The following NMNAT2 variants were observed in gnomAD, a reference collection of about 807,000 sequenced individuals.
NMNAT2 encodes nicotinamide/nicotinic acid mononucleotide adenylyltransferase 2.
NMNAT2 carries 11 observed loss-of-function variants against 41.6 expected under a neutral mutation model. The observed-to-expected ratio is 0.26, with a 90% CI of 0.17 to 0.44. The LOEUF (loss-of-function observed/expected upper bound fraction) is 0.44. Ranked by LOEUF, NMNAT2 falls within the 20% of genes least tolerant of loss-of-function variation. The probability of loss-of-function intolerance (pLI) is 1.00; values close to 1 mark genes in which losing one functional copy is unlikely to be tolerated. For synonymous variants in NMNAT2, 148 were observed against 151.2 expected (o/e 0.98, Z 0.16); for missense variants, 288 against 407.7 (o/e 0.71, Z 2.53).
At chr1:183,397,554 T>C (rs558366620) in intron 1 of NMNAT2, among the ~76,000 whole-genome samples, 1 of 151,966 alleles carries the variant, frequency 6.6e-6, no homozygotes, top group East Asian at 1.9e-4. Flanking sequence ...ATTCAGGAAA[T>C]ACAAAGAACG....
chr1:183,356,042 A>G (rs1454532048), intron 1 of NMNAT2, among the ~76,000 whole-genome samples: 1 of 152,198 alleles, frequency 6.6e-6, no homozygotes, highest in Non-Finnish European at 1.5e-5. Context: ...CACTCAGCAC[A>G]TGGAAGTGGT....
intron 1 of NMNAT2, among the ~76,000 whole-genome samples, chr1:183,372,441 C>T (rs1663570370): frequency 1.3e-5 from 2 of 152,206 alleles, no homozygotes; most frequent in African/African-American, 4.8e-5. Context: ...AAGCAAGACA[C>T]CAAGACAGAG....
At chr1:183,313,276 C>T (rs1310084477) in intron 1 of NMNAT2, among the ~76,000 whole-genome samples, 1 of 152,106 alleles carries the variant, frequency 6.6e-6, no homozygotes. Context: ...GATCACACAT[C>T]TCTGAACAAT....
At chr1:183,299,471 A>T (rs192047506) in intron 1 of NMNAT2, among the ~76,000 whole-genome samples, 30 of 152,356 alleles carry the variant, frequency 2.0e-4, no homozygotes, top group African/African-American at 6.3e-4. Context: ...AAGAAAAGGC[A>T]ATCTCAAAAG....
chr1:183,334,880 A>G (rs1003904724), intron 1 of NMNAT2, among the ~76,000 whole-genome samples: 9 of 152,160 alleles, frequency 5.9e-5, no homozygotes, highest in Non-Finnish European at 1.3e-4. Flanking sequence ...GGGAGACTCC[A>G]CGGTGCCCTA....
chr1:183,410,840 C>T (rs901717408), intron 1 of NMNAT2, among the ~76,000 whole-genome samples: 4 of 151,802 alleles, frequency 2.6e-5, no homozygotes, highest in Non-Finnish European at 5.9e-5. Flanking sequence ...ATCTCAGCCT[C>T]CCAAGTAGCT....
At chr1:183,305,019 C>A in intron 1 of NMNAT2, 1 of 437,234 alleles carries the variant, frequency 2.3e-6, no homozygotes, top group Non-Finnish European at 3.6e-6. Context: ...AAATCCTTTC[C>A]ACTGGAAAAA....
At chr1:183,413,602 C>CTTTTTTTTT (rs71130613) in intron 1 of NMNAT2, among the ~76,000 whole-genome samples, 31 of 82,466 alleles carry the variant, frequency 3.8e-4, no homozygotes, top group African/African-American at 4.7e-4. Flanking sequence ...TCTTTTCTTT[C>CTTTTTTTTT]TTTTTTTTTT....
chr1:183,270,878 T>C (rs1375076598), intron 8 of NMNAT2, among the ~76,000 whole-genome samples: 1 of 152,204 alleles, frequency 6.6e-6, no homozygotes, highest in Non-Finnish European at 1.5e-5. Flanking sequence ...AAGTTTGTCT[T>C]TGTTCCATTT....
At chr1:183,350,400 G>T (rs542045650) in intron 1 of NMNAT2, among the ~76,000 whole-genome samples, 2 of 152,122 alleles carry the variant, frequency 1.3e-5, no homozygotes, top group Non-Finnish European at 2.9e-5. Context: ...GATAAAGGGA[G>T]AAGGAAAAAG....
At chr1:183,372,738 C>T (rs1364631187) in intron 1 of NMNAT2, among the ~76,000 whole-genome samples, 5 of 152,276 alleles carry the variant, frequency 3.3e-5, no homozygotes, top group South Asian at 4.1e-4. Context: ...AATCCAAAGG[C>T]GTGATCCTGG....
At chr1:183,269,468 A>T (rs1660924795) in intron 8 of NMNAT2, among the ~76,000 whole-genome samples, 1 of 152,238 alleles carries the variant, frequency 6.6e-6, no homozygotes, top group Non-Finnish European at 1.5e-5. Context: ...CCATCCTGAG[A>T]TCAGCGTTCT....
intron 8 of NMNAT2, among the ~76,000 whole-genome samples, chr1:183,268,640 T>C (rs910153538): frequency 6.6e-6 from 1 of 152,230 alleles, no homozygotes; most frequent in African/African-American, 2.4e-5. Flanking sequence ...ATGTATATGG[T>C]GAACTGGGCA....
intron 1 of NMNAT2, among the ~76,000 whole-genome samples, chr1:183,372,814 A>G (rs1302766631): frequency 6.6e-6 from 1 of 152,252 alleles, no homozygotes; most frequent in Non-Finnish European, 1.5e-5. Context: ...ACTCTATGAC[A>G]TAAAAAAGAA....
intron 10 of NMNAT2, among the ~76,000 whole-genome samples, chr1:183,257,946 T>C (rs1401757150): frequency 1.3e-5 from 2 of 152,208 alleles, no homozygotes; most frequent in Non-Finnish European, 2.9e-5. Flanking sequence ...GGCAATTTAT[T>C]TGGGGTCTTT....
intron 3 of NMNAT2, chr1:183,290,852 G>A (rs1661521943): frequency 6.6e-6 from 1 of 152,234 alleles, no homozygotes; most frequent in Non-Finnish European, 1.5e-5. Context: ...GCCCCTCCGG[G>A]ATACTGCTTG....
At chr1:183,310,646 T>A (rs1182388842) in intron 1 of NMNAT2, among the ~76,000 whole-genome samples, 1 of 152,184 alleles carries the variant, frequency 6.6e-6, no homozygotes, top group African/African-American at 2.4e-5. Context: ...GCTACTGTCA[T>A]TTAGTTGGCA....
chr1:183,292,113 C>G (rs1571578188), intron 3 of NMNAT2, among the ~76,000 whole-genome samples: 1 of 152,344 alleles, frequency 6.6e-6, no homozygotes, highest in East Asian at 1.9e-4. Context: ...AATGGCATGC[C>G]ATTATTTTTT....
chr1:183,282,955 T>C (rs1459011692), intron 7 of NMNAT2: 1 of 152,188 alleles, frequency 6.6e-6, no homozygotes, highest in Non-Finnish European at 1.5e-5. Flanking sequence ...TTAAAACTGG[T>C]TCACAAAATT....
Sources: gnomAD v4.1 joint callset for allele counts (sites outside exome capture counted in the v4.1 genomes callset) on GRCh38, gnomAD v4.1.1 for gene constraint, MANE v1.5 for transcripts, NCBI Gene and HGNC (gene_info 2026-07-23, HGNC 2026-07-21) for gene names.